Variants in BIRC6 observed in about 807,000 individuals in gnomAD.
The protein encoded by BIRC6 is dual E2 ubiquitin-conjugating enzyme/E3 ubiquitin-protein ligase BIRC6.
BIRC6 carries 98 observed loss-of-function variants against 503.3 expected under a neutral mutation model. The observed-to-expected ratio is 0.19, with a 90% CI of 0.17 to 0.23. The LOEUF (loss-of-function observed/expected upper bound fraction) is 0.23. BIRC6 is among the 10% of genes least tolerant of loss of function. The pLI is 1.00. For synonymous variants in BIRC6, 2,240 were observed against 2,078.7 expected, an observed-to-expected ratio of 1.08 and a Z score of -2.11; for missense variants, 5,360 against 5,806.0, an observed-to-expected ratio of 0.92 and a Z score of 2.50.
At chr2:32,447,484 C>T (rs2046161919) in intron 21 of BIRC6, among the ~76,000 whole-genome samples, 1 of 116,134 alleles carries the variant, frequency 8.6e-6, no homozygotes, top group Non-Finnish European at 1.8e-5. Flanking sequence ...GGGGGCTGAT[C>T]CCCCCACCTC....
intron 8 of BIRC6, 27 bp from the exon 9 acceptor site, chr2:32,406,472 A>G: frequency 6.4e-7 from 1 of 1,565,376 alleles, no homozygotes; most frequent in East Asian, 2.2e-5. Context: ...TGAAATTCAA[A>G]TTGTTTACTT....
At chr2:32,461,042 CTT>C (rs1558789506) in intron 23 of BIRC6, among the ~76,000 whole-genome samples, 2,551 of 76,064 alleles carry the variant, frequency 0.034, 127 homozygotes, top group Non-Finnish European at 0.052. Context: ...CTTCTCTTCT[CTT>C]CTCTTCTCTT....
In BIRC6 at chr2:32,403,760, G is replaced by A. The variant is rs370146554; in HGVS notation, c.1418+2137G>A. ...TTTGTAAAAGGTTTTGCAAAATGTA[G>A]AAGGCTTTAGTAAATACAGTGCCTA... On this transcript the variant is annotated intron_variant, in intron 8 of 73. Transcript: ENST00000421745. Among the ~76,000 whole-genome samples, 38 of 152,204 alleles carry A rather than the reference G, an allele frequency of 2.5e-4. No individual in the cohort carries two copies. The East Asian group carries it at 6.7e-3, about 27-fold the overall frequency.
intron 64 of BIRC6, chr2:32,549,075 G>A: frequency 3.3e-6 from 1 of 306,968 alleles, no homozygotes; most frequent in Non-Finnish European, 6.0e-6. Context: ...GTTCGTAGTT[G>A]TATTGCTTTT....
chr2:32,597,185 A>G (rs1469659269), intron 68 of BIRC6, among the ~76,000 whole-genome samples: 1 of 152,224 alleles, frequency 6.6e-6, no homozygotes, highest in Admixed American at 6.5e-5. Flanking sequence ...ATTCCATAAT[A>G]TGATTGGCTG....
At chr2:32,417,501 A>G (rs2042502170) in intron 10 of BIRC6, among the ~76,000 whole-genome samples, 1 of 152,126 alleles carries the variant, frequency 6.6e-6, no homozygotes, top group African/African-American at 2.4e-5. Flanking sequence ...TTTGAAAAGG[A>G]TTACTGACAA....
intron 44 of BIRC6, among the ~76,000 whole-genome samples, chr2:32,492,219 C>T (rs1416350241): frequency 6.6e-6 from 1 of 151,904 alleles, no homozygotes; most frequent in Non-Finnish European, 1.5e-5. Flanking sequence ...TTTAGTTGTC[C>T]TCAACAGCCC....
At chr2:32,598,524 T>C (rs925250767) in intron 69 of BIRC6, among the ~76,000 whole-genome samples, 1 of 152,182 alleles carries the variant, frequency 6.6e-6, no homozygotes, top group Non-Finnish European at 1.5e-5. Context: ...CAATAATATA[T>C]AATCTCTACT....
At chr2:32,613,512 C>G (rs951739808) in intron 73 of BIRC6, among the ~76,000 whole-genome samples, 5 of 152,072 alleles carry the variant, frequency 3.3e-5, no homozygotes, top group Non-Finnish European at 7.3e-5. Flanking sequence ...TCCTGAGTAT[C>G]TGGGATTACA....
intron 73 of BIRC6, among the ~76,000 whole-genome samples, chr2:32,611,989 C>A (rs1165288110): frequency 1.3e-5 from 2 of 152,192 alleles, no homozygotes; most frequent in East Asian, 3.8e-4. Context: ...AGTCCTCCCA[C>A]CTCAGCTTCC....
At position 32,470,264 on chromosome 2, in the gene BIRC6, T is replaced by C. The variant is rs1249199860; in HGVS notation, c.6444T>C (p.Pro2148=). 2 of 1,574,776 alleles carry C rather than the reference T, an allele frequency of 1.3e-6. No individual in the cohort carries two copies. Among genetic ancestry groups the C allele is most frequent in the Non-Finnish European group, 1.7e-6 (2 of 1,158,642 alleles). ...ATCTCTTGGATAATTTATTGTCACCTCTTCAGCCACAGTTACCCATGCATA... is the reference window on the plus strand; with the variant it reads ...ATCTCTTGGATAATTTATTGTCACCCCTTCAGCCACAGTTACCCATGCATA... ...LLNLLDNLLS[P]LQPQLPMHRR... is the part of the protein sequence containing the mutation. The change falls in exon 31 of 74, where the codon CCT becomes CCC. Residue 2148 remains proline (P), a synonymous_variant. Coordinates refer to ENST00000421745, the MANE Select transcript of BIRC6 (RefSeq NM_016252.4).
At chr2:32,572,759 A>G (rs2060003174) in intron 65 of BIRC6, among the ~76,000 whole-genome samples, 1 of 152,216 alleles carries the variant, frequency 6.6e-6, no homozygotes, top group Non-Finnish European at 1.5e-5. Context: ...CAAGGAAAGA[A>G]TGGCAGTCAT....
chr2:32,475,159 T>TA (rs11394641), intron 33 of BIRC6, among the ~76,000 whole-genome samples: 34,418 of 114,088 alleles, frequency 0.3, 6,967 homozygotes, highest in African/African-American at 0.58. Flanking sequence ...AAGACTATCT[T>TA]AAAAAAAAAA....
intron 10 of BIRC6, 130 bp downstream of exon 10, chr2:32,416,293 T>A: frequency 1.1e-6 from 1 of 944,082 alleles, no homozygotes; most frequent in Non-Finnish European, 1.6e-6. Flanking sequence ...AATGAAGTGG[T>A]AAATCCTTCT....
rs779814538 is a variant in BIRC6, at chr2:32,479,532, A to G, written c.7323A>G (p.Thr2441=). The G allele has an allele frequency of 7.5e-6, 12 of 1,606,888 alleles. No homozygotes were observed. Among genetic ancestry groups the G allele is most frequent in the African/African-American group, 2.7e-5 (2 of 74,864 alleles). Residue 2441 remains threonine, a synonymous_variant, in exon 37 of 74, where the codon ACA becomes ACG. Transcript: ENST00000421745. ...EGTVGDDVGA[T]AGDSDDSLQQ... ...CAGTGGGTGATGATGTAGGTGCGAC[A>G]GCTGGTGACTCTGATGACTCCCTTC...
At position 32,618,274 on chromosome 2, in the gene BIRC6, A is replaced by G. The variant is rs1279128268; in HGVS notation, c.*370A>G. On this transcript the variant is annotated 3_prime_UTR_variant, in exon 74 of 74. Coordinates refer to ENST00000421745, the MANE Select transcript of BIRC6 (RefSeq NM_016252.4). ...GAGGGGTTGTTAACAAAGAATATAT[A>G]TTGGTCATTCTTACAACTACTATTT... The G allele has an allele frequency of 6.4e-6, 1 of 155,574 alleles. No individual in the cohort carries two copies. The highest frequency in any genetic ancestry group is 1.4e-5 in the Non-Finnish European group (1 of 70,484). 9.6% of individuals were successfully genotyped at this position (155,574 alleles called of 1,614,324 possible).
intron 1 of BIRC6, among the ~76,000 whole-genome samples, chr2:32,374,038 C>T (rs191085332): frequency 5.3e-5 from 8 of 152,158 alleles, no homozygotes; most frequent in African/African-American, 1.9e-4. Flanking sequence ...AAGTGGTTGC[C>T]AGGCTTTGGG....
chr2:32,572,173 G>A (rs1415582775), intron 65 of BIRC6, among the ~76,000 whole-genome samples: 1 of 152,176 alleles, frequency 6.6e-6, no homozygotes, highest in African/African-American at 2.4e-5. Flanking sequence ...TGTTTCATGT[G>A]TTGGTGAAAG....
At position 32,501,685 on chromosome 2, in the gene BIRC6, T is replaced by C. The variant is rs765137302; in HGVS notation, c.9032-28T>C. On this transcript the variant is annotated intron_variant, in intron 46 of 73. Coordinates refer to ENST00000421745, the MANE Select transcript of BIRC6 (RefSeq NM_016252.4). ...TGCGCCTGGCTGGATATATATACTT[T>C]TAATGTGGTATCTTTTATTTTTCTT... 26 of 1,591,082 alleles carry C rather than the reference T, an allele frequency of 1.6e-5. 1 individual carries two copies. The highest frequency in any genetic ancestry group is 2.2e-5 in the East Asian group (1 of 44,686).
Sources: gnomAD v4.1 joint callset for allele counts (sites outside exome capture counted in the v4.1 genomes callset) on GRCh38, gnomAD v4.1.1 for gene constraint, MANE v1.5 for transcripts, NCBI Gene and HGNC (gene_info 2026-07-23, HGNC 2026-07-21) for gene names.